Variants in ESR1 observed in about 807,000 individuals in gnomAD.
ESR1 encodes estrogen receptor.
ESR1 carries 12 observed loss-of-function variants against 52.7 expected under a neutral mutation model. The observed-to-expected ratio is 0.23, with a 90% CI of 0.15 to 0.37. The LOEUF is 0.37. Among genes scored for constraint, ESR1 ranks in the 10% least tolerant of loss-of-function variants. ESR1 has a pLI of 1.00. For missense variants in ESR1, 584 were observed against 779.7 expected (o/e 0.75, Z 2.99); for synonymous variants, 305 against 316.8 (o/e 0.96, Z 0.39).
At position 151,931,812 on chromosome 6, in the gene ESR1, G is replaced by A. The variant is rs1274490079; in HGVS notation, c.761-12361G>A. 4.5e-4 allele frequency among the ~76,000 whole-genome samples: 65 copies of A among 143,270 alleles called. No individual in the cohort carries two copies. In the East Asian group the frequency reaches 0.011, roughly 25 times the overall value. The allele number at this position is 143,270 out of a possible 152,430, so 94.0% of individuals were successfully genotyped here. On this transcript the variant is annotated intron_variant, in intron 3 of 7. Transcript: ENST00000206249. Reference sequence around the variant, plus strand: ...ATTTTTTATGGCTGCATAGTATTCCGTGGTGTATATGTGCCACATTTTCTT... The same window carrying A: ...ATTTTTTATGGCTGCATAGTATTCCATGGTGTATATGTGCCACATTTTCTT...
At chr6:151,744,276 A>G (rs773882260) in intron 2 of ESR1, among the ~76,000 whole-genome samples, 24 of 152,112 alleles carry the variant, frequency 1.6e-4, no homozygotes, top group Admixed American at 1.4e-3. Context: ...AACTGTATTT[A>G]TCTAACTTTT....
chr6:152,092,360 GT>G (rs1438919633), intron 6 of ESR1, among the ~76,000 whole-genome samples: 1 of 152,206 alleles, frequency 6.6e-6, no homozygotes, highest in African/African-American at 2.4e-5. Context: ...TGTTGTTATT[GT>G]TACGTTAGTT....
intron 3 of ESR1, among the ~76,000 whole-genome samples, chr6:151,922,807 A>T (rs911273440): frequency 1.3e-5 from 2 of 151,986 alleles, no homozygotes; most frequent in Non-Finnish European, 2.9e-5. Flanking sequence ...GCAAAGAGAT[A>T]TATGTGTGTG....
At chr6:152,084,490 T>C (rs2049525268) in intron 6 of ESR1, among the ~76,000 whole-genome samples, 1 of 151,978 alleles carries the variant, frequency 6.6e-6, no homozygotes, top group African/African-American at 2.4e-5. Context: ...TTCTAAGGCC[T>C]CTCAGCCATG....
intron 2 of ESR1, among the ~76,000 whole-genome samples, chr6:151,748,989 G>A (rs868552686): frequency 6.6e-6 from 1 of 152,094 alleles, no homozygotes; most frequent in African/African-American, 2.4e-5. Flanking sequence ...AAGTGCTAGA[G>A]AGAAGGATGA....
intron 2 of ESR1, among the ~76,000 whole-genome samples, chr6:151,844,878 A>T (rs9340816): frequency 2.2e-4 from 34 of 152,210 alleles, no homozygotes; most frequent in African/African-American, 8.2e-4. Context: ...TATTTGAGGA[A>T]GTAAATGTAC....
chr6:151,808,362 C>T lies in ESR1; in HGVS notation c.450C>T (p.Tyr150=). ...TVREAGPPAF[Y]RPNSDNRRQG... is the part of the protein sequence containing the mutation. ...GCGAGGCCGGCCCGCCGGCATTCTA[C>T]AGGTACCCGCGCCCGCGCCGCCCGT... is the stretch of plus-strand genomic sequence containing the variant. The change falls in exon 1 of 8, where the codon TAC becomes TAT. Residue 150 remains tyrosine (Y), a splice_region_variant and synonymous_variant. Coordinates refer to ENST00000206249, the MANE Select transcript of ESR1 (RefSeq NM_000125.4). 1 of 1,480,318 alleles carries T rather than the reference C, an allele frequency of 6.8e-7. No individual in the cohort carries two copies. Among genetic ancestry groups the T allele is most frequent in the Non-Finnish European group, 8.9e-7 (1 of 1,118,836 alleles). The allele number at this position is 1,480,318 out of a possible 1,614,324, so 91.7% of individuals were successfully genotyped here.
At chr6:151,698,075 C>G (rs147945416) in intron 1 of ESR1, among the ~76,000 whole-genome samples, 1 of 151,144 alleles carries the variant, frequency 6.6e-6, no homozygotes, top group African/African-American at 2.4e-5. Flanking sequence ...CCAGCCTGGG[C>G]GACAGAACAT....
At chr6:151,687,253 T>C (rs1778725754), upstream of ESR1, among the ~76,000 whole-genome samples, 1 of 152,116 alleles carries the variant, frequency 6.6e-6, no homozygotes, top group East Asian at 1.9e-4. Context: ...TGTATGAACT[T>C]GAGTTGGTTG....
At chr6:151,881,884 A>G (rs1345967429) in intron 3 of ESR1, among the ~76,000 whole-genome samples, 1 of 16,108 alleles carries the variant, frequency 6.2e-5, no homozygotes, top group Admixed American at 4.1e-4. Flanking sequence ...CTCTGTCTCA[A>G]TAAATAAATA....
Position 152,094,533 on chromosome 6 carries a change from GCTC to G in ESR1, c.1525_1527del (p.Leu509del). ...AGCAGCAGCACCAGCGGCTGGCCCAGCTCCTCCTCATCCTCTCCCACATCAGGC... is the reference window on the plus strand; with the variant it reads ...AGCAGCAGCACCAGCGGCTGGCCCAGCTCCTCATCCTCTCCCACATCAGGC... On this transcript the variant is annotated inframe_deletion, in exon 7 of 8. Transcript: ENST00000206249. The surrounding 1 kb of genome is among the most constrained non-coding windows in gnomAD (Gnocchi z 4.6). 6.2e-7 allele frequency: 1 copy of G among 1,614,100 alleles called. No individual in the cohort carries two copies. The highest frequency in any genetic ancestry group is 8.5e-7 in the Non-Finnish European group (1 of 1,180,040).
At position 151,898,822 on chromosome 6, in the gene ESR1, A is replaced by G. The variant is rs987947892; in HGVS notation, c.760+18051A>G. 3.8e-3 allele frequency among the ~76,000 whole-genome samples: 583 copies of G among 152,270 alleles called. 2 individuals carry two copies. The highest frequency in any genetic ancestry group is 0.014 in the African/African-American group (565 of 41,554). On this transcript the variant is annotated intron_variant, in intron 3 of 7. Transcript: ENST00000206249. The stretch of plus-strand genomic sequence containing the variant: ...CTCTTTCTACACAGACACGGCAACC[A>G]TCCGATTTCTCAATCTTTTCCCCAC...
chr6:151,665,041 A>G (rs1484737105), intron 1 of ESR1, among the ~76,000 whole-genome samples: 1 of 152,226 alleles, frequency 6.6e-6, no homozygotes, highest in Non-Finnish European at 1.5e-5. Context: ...TTGTAGTATT[A>G]CTATTAGTAT....
intron 2 of ESR1, among the ~76,000 whole-genome samples, chr6:151,728,671 C>CG (rs796454779): frequency 5.9e-5 from 9 of 152,286 alleles, no homozygotes; most frequent in African/African-American, 1.9e-4. Context: ...ACCTGCCCCC[C>CG]ATCCACACAT....
Position 152,084,422 on chromosome 6 carries a change from A to G in ESR1, c.1370-9963A>G, listed in dbSNP as rs192088881. Among the ~76,000 whole-genome samples, 69 of 91,906 alleles carry G rather than the reference A, an allele frequency of 7.5e-4. No individual in the cohort carries two copies. In the East Asian group the frequency reaches 0.011, roughly 15 times the overall value. The allele number at this position is 91,906 out of a possible 152,430, so 60.3% of individuals were successfully genotyped here. A position where few individuals can be genotyped will look rare whatever the true frequency, so the allele number is the denominator to read the frequency against. ...TGTACCCTAGAACTTAAAGTATAAT[A>G]AAAAAAAAAGAAAGAAAAGAAAAGA... On this transcript the variant is annotated intron_variant, in intron 6 of 7. Coordinates refer to ENST00000206249, the MANE Select transcript of ESR1 (RefSeq NM_000125.4).
chr6:151,910,032 G>A (rs973160041), intron 3 of ESR1, among the ~76,000 whole-genome samples: 1 of 151,684 alleles, frequency 6.6e-6, no homozygotes, highest in Non-Finnish European at 1.5e-5. Context: ...ACTAGGCAGA[G>A]ATTACATTCA....
intron 1 of ESR1, among the ~76,000 whole-genome samples, chr6:151,681,297 T>C (rs1045776334): frequency 2.0e-5 from 3 of 151,768 alleles, no homozygotes; most frequent in Non-Finnish European, 4.4e-5. Context: ...TGCGCTGGAG[T>C]GTGAACAGGT....
intron 5 of ESR1, among the ~76,000 whole-genome samples, chr6:152,031,730 A>T (rs2044728035): frequency 1.3e-5 from 2 of 152,236 alleles, no homozygotes; most frequent in Non-Finnish European, 2.9e-5. Flanking sequence ...AGCTGGTACC[A>T]TTCCTTCGGA....
chr6:151,734,705 C>T (rs1420987091), intron 2 of ESR1, among the ~76,000 whole-genome samples: 1 of 152,106 alleles, frequency 6.6e-6, no homozygotes, highest in African/African-American at 2.4e-5. Context: ...TCACTGCAGC[C>T]TCTGCCTCCT....
Sources: gnomAD v4.1 joint callset for allele counts (sites outside exome capture counted in the v4.1 genomes callset) on GRCh38, gnomAD v4.1.1 for gene constraint, Gnocchi (gnomAD v3.1) non-coding constraint, MANE v1.5 for transcripts, NCBI Gene and HGNC (gene_info 2026-07-23, HGNC 2026-07-21) for gene names.